The following MED23 variants were observed in gnomAD, a reference collection of about 807,000 sequenced individuals.
The protein encoded by MED23 is mediator complex subunit 23, also known as mediator of RNA polymerase II transcription subunit 23.
Under a neutral mutation model 163.9 loss-of-function variants are expected in MED23, and 105 were observed. That is an observed-to-expected ratio of 0.64 (90% CI 0.55 to 0.75). The LOEUF (loss-of-function observed/expected upper bound fraction) is 0.75, where lower values mean the gene tolerates loss of function less well. Among genes scored for constraint, MED23 ranks in the 30% least tolerant of loss-of-function variants. MED23 has a pLI of 0.00. For synonymous variants in MED23, 561 were observed against 565.6 expected (o/e 0.99, Z 0.12); for missense variants, 1,054 against 1,649.0 (o/e 0.64, Z 6.25).
At chr6:131,601,820 T>C (rs1413209604) in intron 17 of MED23, among the ~76,000 whole-genome samples, 4 of 152,096 alleles carry the variant, frequency 2.6e-5, no homozygotes, top group Admixed American at 6.5e-5. Flanking sequence ...ATGTTTATTA[T>C]TGCTATTTAA....
downstream of MED23, chr6:131,586,677 A>G (rs1774199496): frequency 7.9e-7 from 1 of 1,273,754 alleles, no homozygotes; most frequent in Admixed American, 3.0e-5. Flanking sequence ...CCCATTTCCA[A>G]CTGACCCCAG....
In MED23 at chr6:131,620,024, T is replaced by C. The variant is rs1453210265; in HGVS notation, c.598-128A>G. On this transcript the variant is annotated intron_variant, in intron 7 of 28. Transcript: ENST00000368068. ...TGTAAAGATTGCACATGATAACTGT[T>C]TAAAGGTTAGCTCCCTTTTGCTTCC... The C allele has an allele frequency of 1.6e-5, 11 of 693,050 alleles. No individual in the cohort carries two copies. In the East Asian group the frequency reaches 3.1e-4, roughly 20 times the overall value. The allele number at this position is 693,050 out of a possible 1,614,324, so 42.9% of individuals were successfully genotyped here. A position where few individuals can be genotyped will look rare whatever the true frequency, so the allele number is the denominator to read the frequency against.
intron 10 of MED23, among the ~76,000 whole-genome samples, chr6:131,610,769 A>T (rs1049187132): frequency 6.6e-6 from 1 of 152,182 alleles, no homozygotes; most frequent in Non-Finnish European, 1.5e-5. Flanking sequence ...TAGCTACCAG[A>T]TTATTCAACA....
Position 131,596,000 on chromosome 6 carries a change from G to C in MED23, c.2942C>G (p.Ser981Cys). The change falls in exon 22 of 29, where the codon TCC becomes TGC. Residue 981 changes from serine to cysteine, a missense_variant. Transcript: ENST00000368068. Reference protein sequence around the residue: ...IHRFLELLPVSKSLETLLDHL... With the variant: ...IHRFLELLPVCKSLETLLDHL... Reference sequence around the variant, plus strand: ...ATCCAGTAGAGTCTCCAGTGATTTGGATACCGGAAGCAACTCTAAAAATCT... The same window carrying C: ...ATCCAGTAGAGTCTCCAGTGATTTGCATACCGGAAGCAACTCTAAAAATCT... 1 of 1,613,932 alleles carries C rather than the reference G, an allele frequency of 6.2e-7. No homozygotes were observed. The highest frequency in any genetic ancestry group is 8.5e-7 in the Non-Finnish European group (1 of 1,179,956).
At chr6:131,618,090 T>C (rs1776823331) in intron 9 of MED23, among the ~76,000 whole-genome samples, 1 of 150,788 alleles carries the variant, frequency 6.6e-6, no homozygotes. Flanking sequence ...TGAGTTCACA[T>C]TTAAAAAGCT....
chr6:131,575,407 AAAG>A (rs1004757317), intron 30 of MED23, among the ~76,000 whole-genome samples: 1 of 152,146 alleles, frequency 6.6e-6, no homozygotes, highest in Non-Finnish European at 1.5e-5. Context: ...ATTGGGGTTG[AAAG>A]AAGGAGAAAT....
intron 1 of MED23, 122 bp downstream of exon 1, chr6:131,627,889 A>C: frequency 7.5e-7 from 1 of 1,335,854 alleles, no homozygotes. Context: ...CCTCGGTGTC[A>C]AAACAAGGGA....
At chr6:131,600,691 G>A (rs1310563531) in intron 17 of MED23, among the ~76,000 whole-genome samples, 1 of 152,040 alleles carries the variant, frequency 6.6e-6, no homozygotes, top group African/African-American at 2.4e-5. Flanking sequence ...GACCTCTTGG[G>A]GATTCCCCAA....
intron 30 of MED23, among the ~76,000 whole-genome samples, chr6:131,580,482 C>T (rs1402829885): frequency 6.6e-6 from 1 of 152,156 alleles, no homozygotes; most frequent in Non-Finnish European, 1.5e-5. Flanking sequence ...ATAGTACTAG[C>T]TTGGTGCAAA....
chr6:131,590,313 A>G lies in MED23; in HGVS notation c.3807+9T>C. On this transcript the variant is annotated intron_variant, in intron 27 of 28. Coordinates refer to ENST00000368068, the MANE Select transcript of MED23 (RefSeq NM_004830.4). Reference sequence around the variant, plus strand: ...AATCATGTCACAGGAAACCCAGATTATATTTTACCTCTATCATACAACGAG... The same window carrying G: ...AATCATGTCACAGGAAACCCAGATTGTATTTTACCTCTATCATACAACGAG... The G allele has an allele frequency of 1.2e-6, 2 of 1,610,936 alleles. No homozygotes were observed. The highest frequency in any genetic ancestry group is 1.7e-6 in the Non-Finnish European group (2 of 1,177,688).
rs780086131 is a variant in MED23, at chr6:131,598,493, A to G, written c.2427-26T>C. On this transcript the variant is annotated intron_variant, in intron 19 of 28. Coordinates refer to ENST00000368068, the MANE Select transcript of MED23 (RefSeq NM_004830.4). The surrounding 1 kb of genome is among the most constrained non-coding windows in gnomAD (Gnocchi z 4.7). ...CTGGAAGGCAGAGAGTAAAACATAA[A>G]CTCCATTGTTGTATGGATACAACAA... 1 of 1,613,776 alleles carries G rather than the reference A, an allele frequency of 6.2e-7. No individual in the cohort carries two copies. The highest frequency in any genetic ancestry group is 1.1e-5 in the South Asian group (1 of 91,064).
rs187578296 is a variant in MED23 at position 131,602,931 on chromosome 6, A to T, written c.1931+99T>A. On this transcript the variant is annotated intron_variant, in intron 16 of 28. Transcript: ENST00000368068. ...AGTTTTATGACAGATGAATAATAAT[A>T]AAAAAAAAAACTATAAGGTAAAGGT... 64 of 930,030 alleles carry T rather than the reference A, an allele frequency of 6.9e-5. No individual in the cohort carries two copies. In the African/African-American group the frequency reaches 7.1e-4, roughly 10 times the overall value. The allele number at this position is 930,030 out of a possible 1,614,324, so 57.6% of individuals were successfully genotyped here. A position where few individuals can be genotyped will look rare whatever the true frequency, so the allele number is the denominator to read the frequency against.
intron 30 of MED23, chr6:131,579,676 A>C (rs950718416): frequency 8.1e-5 from 13 of 160,310 alleles, no homozygotes; most frequent in African/African-American, 3.1e-4. Context: ...AAAAGTAATG[A>C]TCATAACATT....
At chr6:131,583,485 A>G (rs776782905), downstream of MED23, 4 of 1,614,116 alleles carry the variant, frequency 2.5e-6, no homozygotes, top group Non-Finnish European at 3.4e-6. Flanking sequence ...AGAAATCTAC[A>G]AAACAGGTAG....
intron 30 of MED23, among the ~76,000 whole-genome samples, chr6:131,578,608 T>C (rs915590100): frequency 2.0e-5 from 3 of 152,172 alleles, no homozygotes; most frequent in Non-Finnish European, 4.4e-5. Context: ...ATGAGGCAGG[T>C]TCAATGGATA....
At chr6:131,601,739 T>C (rs1775498505) in intron 17 of MED23, among the ~76,000 whole-genome samples, 2 of 152,194 alleles carry the variant, frequency 1.3e-5, no homozygotes, top group South Asian at 4.1e-4. Flanking sequence ...TGTCAAACAA[T>C]GGCACCTCTT....
chr6:131,620,864 G>A (rs755071871), intron 6 of MED23, 135 bp from the exon 7 acceptor site: 16 of 544,800 alleles, frequency 2.9e-5, no homozygotes, highest in Middle Eastern at 5.0e-4. Context: ...GTGCAGTGGC[G>A]TAATCATGGC....
intron 9 of MED23, among the ~76,000 whole-genome samples, chr6:131,616,674 G>T (rs1776713654): frequency 6.6e-6 from 1 of 152,052 alleles, no homozygotes; most frequent in African/African-American, 2.4e-5. Flanking sequence ...CAAAAAACTA[G>T]CCGGGCATGG....
At chr6:131,619,922 T>G in intron 7 of MED23, 26 bp from the exon 8 acceptor site, 1 of 1,476,576 alleles carries the variant, frequency 6.8e-7, no homozygotes, top group Non-Finnish European at 9.5e-7. Context: ...AAGAGGGAAG[T>G]CAAATAAATA....
Sources: gnomAD v4.1 joint callset for allele counts (sites outside exome capture counted in the v4.1 genomes callset) on GRCh38, gnomAD v4.1.1 for gene constraint, Gnocchi (gnomAD v3.1) non-coding constraint, MANE v1.5 for transcripts, NCBI Gene and HGNC (gene_info 2026-07-23, HGNC 2026-07-21) for gene names.